The following MARCHF1 variants were observed in gnomAD, a reference collection of about 807,000 sequenced individuals.
The protein encoded by MARCHF1 is E3 ubiquitin-protein ligase MARCHF1.
In MARCHF1, 40 loss-of-function variants were observed where a neutral mutation model predicts 54.2. That is an observed-to-expected ratio of 0.74 (90% CI 0.57 to 0.96). MARCHF1 has a LOEUF of 0.96. MARCHF1 is among the 40% of genes least tolerant of loss of function. MARCHF1 has a pLI of 0.00. For missense variants in MARCHF1, 586 were observed against 656.5 expected (o/e 0.89, Z 1.17); for synonymous variants, 236 against 236.3 (o/e 1.00, Z 0.01).
intron 3 of MARCHF1, among the ~76,000 whole-genome samples, chr4:163,855,603 A>C (rs1294285987): frequency 6.6e-6 from 1 of 152,212 alleles, no homozygotes; most frequent in African/African-American, 2.4e-5. Flanking sequence ...TAATGACCAA[A>C]ACAGTTTAAT....
chr4:164,345,559 G>T (rs1202018899), intron 1 of MARCHF1, among the ~76,000 whole-genome samples: 1 of 146,532 alleles, frequency 6.8e-6, no homozygotes, highest in Non-Finnish European at 1.5e-5. Context: ...AACTGAGCAA[G>T]AATCTGTCTC....
intron 4 of MARCHF1, among the ~76,000 whole-genome samples, chr4:163,844,541 A>T (rs1442684621): frequency 6.6e-6 from 1 of 151,994 alleles, no homozygotes; most frequent in Non-Finnish European, 1.5e-5. Flanking sequence ...TTGTGTCTTT[A>T]AAAAAAACCA....
chr4:164,259,017 A>G (rs1733372996), intron 1 of MARCHF1, among the ~76,000 whole-genome samples: 1 of 152,184 alleles, frequency 6.6e-6, no homozygotes, highest in South Asian at 2.1e-4. Context: ...ACATATAAAA[A>G]CTTCTGAGAA....
intron 3 of MARCHF1, among the ~76,000 whole-genome samples, chr4:163,952,844 T>C (rs1752159939): frequency 6.6e-6 from 1 of 152,112 alleles, no homozygotes; most frequent in Non-Finnish European, 1.5e-5. Context: ...TCCTAGGGAC[T>C]CAGAAATGGC....
intron 4 of MARCHF1, among the ~76,000 whole-genome samples, chr4:163,820,612 T>A (rs1298628438): frequency 6.6e-6 from 1 of 152,056 alleles, no homozygotes; most frequent in African/African-American, 2.4e-5. Flanking sequence ...TCACATTCTA[T>A]CCAAACTTAA....
intron 7 of MARCHF1, among the ~76,000 whole-genome samples, chr4:163,603,786 C>T (rs1741054683): frequency 6.6e-6 from 1 of 151,942 alleles, no homozygotes. Flanking sequence ...TACCTATTTT[C>T]CCTTCCATGG....
chr4:164,315,147 C>T (rs535271115), intron 1 of MARCHF1, among the ~76,000 whole-genome samples: 2 of 148,512 alleles, frequency 1.3e-5, no homozygotes, highest in Non-Finnish European at 3.0e-5. Flanking sequence ...TAAAACACTT[C>T]GGATCTCATT....
At chr4:164,283,917 A>G (rs1734084209) in intron 1 of MARCHF1, among the ~76,000 whole-genome samples, 1 of 150,996 alleles carries the variant, frequency 6.6e-6, no homozygotes, top group South Asian at 2.1e-4. Context: ...TATCATTAGA[A>G]ACATCAATAA....
chr4:163,751,754 C>T (rs1746527681), intron 4 of MARCHF1, among the ~76,000 whole-genome samples: 1 of 151,848 alleles, frequency 6.6e-6, no homozygotes, highest in Non-Finnish European at 1.5e-5. Flanking sequence ...CACTTCTCCT[C>T]AAGTAGGTAT....
chr4:164,292,974 T>G (rs1323393200), intron 1 of MARCHF1, among the ~76,000 whole-genome samples: 1 of 152,170 alleles, frequency 6.6e-6, no homozygotes, highest in Non-Finnish European at 1.5e-5. Context: ...AACCAATCAT[T>G]TGACTCTCCA....
rs149668000 is a variant in MARCHF1, at chr4:164,050,471, C to T, written c.-248+61117G>A. Among the ~76,000 whole-genome samples, 68 of 152,072 alleles carry T rather than the reference C, an allele frequency of 4.5e-4. 3 individuals carry two copies. In the East Asian group the frequency reaches 0.013, roughly 29 times the overall value. Reference sequence around the variant, plus strand: ...TGAGTTTTACCTTCAAAATACATCACACATCTATGCTTCCTTCCATTGCTA... The same window carrying T: ...TGAGTTTTACCTTCAAAATACATCATACATCTATGCTTCCTTCCATTGCTA... On this transcript the variant is annotated intron_variant, in intron 2 of 9. Coordinates refer to ENST00000514618, the MANE Select transcript of MARCHF1 (RefSeq NM_001394959.1).
chr4:163,826,146 T>A (rs1748841464), intron 4 of MARCHF1, among the ~76,000 whole-genome samples: 1 of 151,914 alleles, frequency 6.6e-6, no homozygotes. Flanking sequence ...AAATATTTTA[T>A]TGTTTAATTT....
Position 163,571,573 on chromosome 4 carries a change from A to G in MARCHF1, c.1191+14176T>C, listed in dbSNP as rs1188311843. On this transcript the variant is annotated intron_variant, in intron 8 of 9. Transcript: ENST00000514618. ...TTGGGAAATAATTCATTTCCTAGAC[A>G]CAGAAAAGGATCTAGCTCCAAAATT... Among the ~76,000 whole-genome samples the G allele has an allele frequency of 2.6e-5, 4 of 152,280 alleles. No individual in the cohort carries two copies. The East Asian group carries it at 7.7e-4, about 29-fold the overall frequency.
Position 164,311,932 on chromosome 4 carries a change from A to G in MARCHF1, c.-323+71938T>C, listed in dbSNP as rs547362462. On this transcript the variant is annotated intron_variant, in intron 1 of 9. Transcript: ENST00000514618. The stretch of plus-strand genomic sequence containing the variant: ...TTGAACGATTCTCTCTCTTCTCTTA[A>G]ATTTGGGCTAATTTTCTTTTTCATT... Among the ~76,000 whole-genome samples, 11 of 152,204 alleles carry G rather than the reference A, an allele frequency of 7.2e-5. No individual in the cohort carries two copies. The South Asian group carries it at 2.3e-3, about 32-fold the overall frequency.
intron 1 of MARCHF1, among the ~76,000 whole-genome samples, chr4:164,176,972 CTCTCTCTCTATATATA>C (rs1288437214): frequency 3.5e-4 from 20 of 56,818 alleles, no homozygotes; most frequent in African/African-American, 1.3e-3. Context: ...CTCTCTCTCT[CTCTCTCTCTATATATA>C]TATATATATA....
At chr4:164,049,315 A>G (rs1414827007) in intron 2 of MARCHF1, among the ~76,000 whole-genome samples, 1 of 152,032 alleles carries the variant, frequency 6.6e-6, no homozygotes, top group African/African-American at 2.4e-5. Flanking sequence ...TGATTCAATC[A>G]CCTCCCACCC....
intron 3 of MARCHF1, among the ~76,000 whole-genome samples, chr4:163,945,342 C>T (rs1315305305): frequency 6.6e-6 from 1 of 152,094 alleles, no homozygotes; most frequent in Non-Finnish European, 1.5e-5. Context: ...GATAATCAAA[C>T]ATTTCTGCTG....
At chr4:163,902,069 A>G (rs1488335066) in intron 3 of MARCHF1, among the ~76,000 whole-genome samples, 1 of 152,190 alleles carries the variant, frequency 6.6e-6, no homozygotes, top group Non-Finnish European at 1.5e-5. Context: ...TCCTCAAAAG[A>G]TGGGCAGTGA....
At chr4:164,270,999 T>C (rs1733732224) in intron 1 of MARCHF1, among the ~76,000 whole-genome samples, 1 of 152,132 alleles carries the variant, frequency 6.6e-6, no homozygotes, top group South Asian at 2.1e-4. Flanking sequence ...TGTACCATAA[T>C]TCATGAGTAG....
Sources: allele counts gnomAD v4.1 joint callset (sites outside exome capture counted in the v4.1 genomes callset), GRCh38; gene constraint gnomAD v4.1.1; transcripts MANE v1.5; gene names NCBI Gene and HGNC (gene_info 2026-07-23, HGNC 2026-07-21).